PCSK2: variants seen among roughly 807,000 people sequenced by gnomAD.
PCSK2 encodes the protein neuroendocrine convertase 2.
Under a neutral mutation model 69.7 loss-of-function variants are expected in PCSK2, and 14 were observed. The ratio of observed to expected loss-of-function variants is 0.20; its 90% confidence interval spans 0.13 to 0.31. The LOEUF is 0.31. Ranked by LOEUF, PCSK2 falls within the 10% of genes least tolerant of loss-of-function variation. The pLI, the probability that PCSK2 is intolerant of heterozygous loss-of-function variation, is 1.00. For missense variants in PCSK2, 544 were observed against 842.5 expected, an observed-to-expected ratio of 0.65 and a Z score of 4.39; for synonymous variants, 307 against 320.7, an observed-to-expected ratio of 0.96 and a Z score of 0.46.
At chr20:17,458,382 T>C (rs535584775) in intron 10 of PCSK2, among the ~76,000 whole-genome samples, 49 of 152,320 alleles carry the variant, frequency 3.2e-4, no homozygotes, top group African/African-American at 1.0e-3. Context: ...AAATTAGGCC[T>C]CAGAGTTTGT....
At position 17,451,915 on chromosome 20, in the gene PCSK2, C is replaced by CTTT. The variant is rs34323701; in HGVS notation, c.886-1808_886-1806dup. Among the ~76,000 whole-genome samples, 676 of 101,522 alleles carry CTTT rather than the reference C, an allele frequency of 6.7e-3. 25 individuals carry two copies. The highest frequency in any genetic ancestry group is 0.017 in the African/African-American group (436 of 26,038). The allele number at this position is 101,522 out of a possible 152,430, so 66.6% of individuals were successfully genotyped here. Reference sequence around the variant, plus strand: ...TGTGAAACACATCAGTTGTACTTTGCTTTTTTTTTTTTTTTTTTTTTGAGA... The same window carrying CTTT: ...TGTGAAACACATCAGTTGTACTTTGCTTTTTTTTTTTTTTTTTTTTTTTTGAGA... On this transcript the variant is annotated intron_variant, in intron 8 of 11. Transcript: ENST00000262545.
chr20:17,371,773 A>T (rs1381490000), intron 5 of PCSK2, among the ~76,000 whole-genome samples: 1 of 152,116 alleles, frequency 6.6e-6, no homozygotes, highest in East Asian at 1.9e-4. Context: ...TAAGGGCTAC[A>T]TGGCATTAGC....
At chr20:17,477,899 T>A (rs1178286887) in intron 11 of PCSK2, among the ~76,000 whole-genome samples, 1 of 152,216 alleles carries the variant, frequency 6.6e-6, no homozygotes, top group African/African-American at 2.4e-5. Context: ...TTAATTACAT[T>A]TCATAAGCCC....
At chr20:17,445,211 C>T (rs571145130) in intron 8 of PCSK2, among the ~76,000 whole-genome samples, 1 of 152,292 alleles carries the variant, frequency 6.6e-6, no homozygotes, top group South Asian at 2.1e-4. Context: ...TCTTATTTTG[C>T]TCTGACAACC....
intron 4 of PCSK2, among the ~76,000 whole-genome samples, chr20:17,367,577 G>T (rs753384359): frequency 6.6e-6 from 1 of 152,176 alleles, no homozygotes; most frequent in Admixed American, 6.5e-5. Context: ...TTGCTGGGGG[G>T]ATGTTTCTTG....
chr20:17,467,846 T>C (rs1233860583), intron 11 of PCSK2, among the ~76,000 whole-genome samples: 1 of 152,238 alleles, frequency 6.6e-6, no homozygotes. Context: ...TTCTCATTCA[T>C]GACTAGATGT....
At chr20:17,443,314 C>G (rs917914924) in intron 8 of PCSK2, among the ~76,000 whole-genome samples, 1 of 152,194 alleles carries the variant, frequency 6.6e-6, no homozygotes, top group Non-Finnish European at 1.5e-5. Flanking sequence ...ATGCGGTTTA[C>G]AGAGAATGTC....
In PCSK2 at chr20:17,428,305, T is replaced by C. The variant is rs77119434; in HGVS notation, c.621-1130T>C. On this transcript the variant is annotated intron_variant, in intron 6 of 11. Coordinates refer to ENST00000262545, the MANE Select transcript of PCSK2 (RefSeq NM_002594.5). Reference sequence around the variant, plus strand: ...CACTGGGTTTACATATCTGGGTACATGATAGGCGGGTTTCATTCTTGTTCC... The same window carrying C: ...CACTGGGTTTACATATCTGGGTACACGATAGGCGGGTTTCATTCTTGTTCC... Among the ~76,000 whole-genome samples, 593 of 152,338 alleles carry C rather than the reference T, an allele frequency of 3.9e-3. 15 individuals carry two copies. The East Asian group carries it at 0.052, about 13-fold the overall frequency.
chr20:17,270,908 C>T (rs1442982423), intron 2 of PCSK2, among the ~76,000 whole-genome samples: 1 of 152,084 alleles, frequency 6.6e-6, no homozygotes, highest in African/African-American at 2.4e-5. Context: ...TTGTTTCCCC[C>T]AGTCTTCAGT....
chr20:17,269,875 C>T (rs924502625), intron 2 of PCSK2, among the ~76,000 whole-genome samples: 1 of 152,064 alleles, frequency 6.6e-6, no homozygotes, highest in African/African-American at 2.4e-5. Flanking sequence ...AAAGAAAAAA[C>T]CTTACCCTCC....
chr20:17,245,529 A>C (rs1156366423), intron 1 of PCSK2, among the ~76,000 whole-genome samples: 3 of 152,174 alleles, frequency 2.0e-5, no homozygotes. Context: ...GATGTTTGGG[A>C]GTAGTTAACT....
intron 7 of PCSK2, among the ~76,000 whole-genome samples, chr20:17,434,293 C>T (rs373166719): frequency 4.1e-4 from 63 of 152,130 alleles, no homozygotes; most frequent in African/African-American, 1.4e-3. Flanking sequence ...CCCCACATTC[C>T]CCTGTAGCTC....
At chr20:17,430,813 C>T (rs933953800) in intron 7 of PCSK2, among the ~76,000 whole-genome samples, 2 of 152,142 alleles carry the variant, frequency 1.3e-5, no homozygotes, top group Non-Finnish European at 2.9e-5. Context: ...CTGAAAAATT[C>T]AAACCTGAAT....
intron 2 of PCSK2, among the ~76,000 whole-genome samples, chr20:17,314,127 C>G (rs1048955821): frequency 1.3e-5 from 2 of 152,056 alleles, no homozygotes; most frequent in Non-Finnish European, 2.9e-5. Flanking sequence ...AATAGGCAGG[C>G]AACCAAAAAC....
intron 11 of PCSK2, chr20:17,479,314 T>G (rs1463489442): frequency 1.2e-6 from 1 of 818,418 alleles, no homozygotes; most frequent in Non-Finnish European, 2.2e-6. Flanking sequence ...CACTGGTTGA[T>G]GTTGTTGTAA....
At chr20:17,314,027 G>A (rs1297529094) in intron 2 of PCSK2, among the ~76,000 whole-genome samples, 3 of 151,968 alleles carry the variant, frequency 2.0e-5, no homozygotes, top group African/African-American at 7.3e-5. Flanking sequence ...GGAGAAAATA[G>A]ACCTCAACCT....
intron 1 of PCSK2, among the ~76,000 whole-genome samples, chr20:17,243,551 A>G (rs1986662798): frequency 6.6e-6 from 1 of 152,158 alleles, no homozygotes; most frequent in Non-Finnish European, 1.5e-5. Context: ...TTTTTTAGTT[A>G]TTTGGCATTC....
chr20:17,360,716 T>G, intron 4 of PCSK2, 76 bp downstream of exon 4: 1 of 840,724 alleles, frequency 1.2e-6, no homozygotes, highest in Non-Finnish European at 2.0e-6. Context: ...GTTGTATTGT[T>G]TTGGAGATGC....
At chr20:17,410,632 T>C (rs1343563183) in intron 6 of PCSK2, among the ~76,000 whole-genome samples, 2 of 152,156 alleles carry the variant, frequency 1.3e-5, no homozygotes, top group Admixed American at 1.3e-4. Flanking sequence ...GAGGTGTGTG[T>C]TTAGAGGATG....
Sources: allele counts gnomAD v4.1 joint callset (sites outside exome capture counted in the v4.1 genomes callset), GRCh38; gene constraint gnomAD v4.1.1; transcripts MANE v1.5; gene names NCBI Gene and HGNC (gene_info 2026-07-23, HGNC 2026-07-21).